The following IL32 variants were observed in gnomAD, a reference collection of about 807,000 sequenced individuals.
IL32 encodes interleukin 32.
IL32 carries 30 observed loss-of-function variants against 16.6 expected under a neutral mutation model. The observed-to-expected ratio is 1.81, with a 90% CI of 1.35 to 2.45. The LOEUF is 2.45. Ranked by LOEUF, IL32 falls within the 30% of genes most tolerant of loss-of-function variation. The pLI is 0.00. For synonymous variants in IL32, 70 were observed against 86.1 expected, an observed-to-expected ratio of 0.81 and a Z score of 1.03; for missense variants, 234 against 229.8, an observed-to-expected ratio of 1.02 and a Z score of -0.12.
At position 3,066,948 on chromosome 16, in the gene IL32, CTAGG is replaced by C. The variant is rs1247005899; in HGVS notation, c.16-428_16-425del. Among the ~76,000 whole-genome samples, 34 of 144,796 alleles carry C rather than the reference CTAGG, an allele frequency of 2.3e-4. No homozygotes were observed. In the East Asian group the frequency reaches 5.6e-3, roughly 24 times the overall value. 95.0% of individuals were successfully genotyped at this position (144,796 alleles called of 152,430 possible). On this transcript the variant is annotated intron_variant, in intron 2 of 6. Transcript: ENST00000525643. ...CCCTGCTCTTGTGAGGAGGGGTCAC[CTAGG>C]CCCACGCAGGCCCTGCTCTTGTGAG...
chr16:3,066,248 C>T (rs568770169), intron 2 of IL32, among the ~76,000 whole-genome samples: 1 of 152,136 alleles, frequency 6.6e-6, no homozygotes, highest in Admixed American at 6.5e-5. Flanking sequence ...TGCCCCACCG[C>T]AAATGCTAGG....
rs1011420925 is a variant in IL32, at chr16:3,067,770, C to A, written c.114+157C>A. On this transcript the variant is annotated intron_variant, in intron 4 of 6. Transcript: ENST00000525643. ...TTGCACCTGGGTGGCAGTGAGTGGG[C>A]GGGTGGGGGATCTGGACGCCCGGGG... The A allele has an allele frequency of 4.9e-6, 4 of 817,588 alleles. No homozygotes were observed. In the East Asian group the frequency reaches 1.0e-4, roughly 21 times the overall value. 50.6% of individuals were successfully genotyped at this position (817,588 alleles called of 1,614,324 possible).
chr16:3,065,895 C>A (rs1956255473), intron 2 of IL32, 69 bp downstream of exon 2: 1 of 1,579,956 alleles, frequency 6.3e-7, no homozygotes, highest in Admixed American at 1.7e-5. Flanking sequence ...CGGGTGCCCT[C>A]AGTATTTCCC....
Position 3,065,779 on chromosome 16 carries a change from A to C in IL32, c.-28-5A>C. On this transcript the variant is annotated splice_region_variant and splice_polypyrimidine_tract_variant and intron_variant, in intron 1 of 6. Transcript: ENST00000525643. ...CTTTTCCTCACACCTGTTCCTCGCC[A>C]GCAGGCCTTGGCTCCTTGAACTTTT... 1 of 1,614,086 alleles carries C rather than the reference A, an allele frequency of 6.2e-7. No individual in the cohort carries two copies. Among genetic ancestry groups the C allele is most frequent in the Non-Finnish European group, 8.5e-7 (1 of 1,179,978 alleles).
intron 2 of IL32, 102 bp from the exon 3 acceptor site, chr16:3,067,275 G>GTGTGTGTGTGTGTGTGTGTGTGTCTC: frequency 4.9e-6 from 1 of 204,420 alleles, no homozygotes; most frequent in East Asian, 6.1e-5. Context: ...GTGTCTCTGT[G>GTGTGTGTGTGTGTGTGTGTGTGTCTC]TGTGTGTGTG....
At position 3,065,822 on chromosome 16, in the gene IL32, C is replaced by T. The variant is rs755307247; in HGVS notation, c.11C>T (p.Pro4Leu). The change falls in exon 2 of 7, where the codon CCG becomes CTG. Residue 4 changes from proline to leucine, a missense_variant. Physicochemically the swap from Pro to Leu is moderately conservative, Grantham distance 98. This residue lies in a region of IL32 where 137 missense variants were observed against 80.7 expected (regional missense o/e 1.70). Coordinates refer to ENST00000525643, the MANE Select transcript of IL32 (RefSeq NM_001376923.1). The part of the protein sequence containing the change: MCF[P>L]KVLSDDMKKL... ...GAACTTTTGGCCGCCATGTGCTTCC[C>T]GAAGGTGAGTGAGAGGCTGCGTGTG... 3.7e-5 allele frequency: 60 copies of T among 1,613,968 alleles called. No homozygotes were observed. Among genetic ancestry groups the T allele is most frequent in the East Asian group, 2.0e-4 (9 of 44,888 alleles).
chr16:3,068,666 G>A, intron 6 of IL32: 1 of 437,094 alleles, frequency 2.3e-6, no homozygotes, highest in East Asian at 4.7e-5. Flanking sequence ...CCCTGAGCTT[G>A]GGGTGGAGGG....
In IL32 at chr16:3,068,025, C is replaced by G; in HGVS notation, c.141+15C>G. The G allele has an allele frequency of 6.2e-7, 1 of 1,613,774 alleles. No homozygotes were observed. Among genetic ancestry groups the G allele is most frequent in the Non-Finnish European group, 8.5e-7 (1 of 1,179,694 alleles). ...CAGAGCTGGAGGTGAGCCGTGGCCT[C>G]CCCCTCCACCAAGCTTAGTCCCTGG... On this transcript the variant is annotated intron_variant, in intron 5 of 6. Coordinates refer to ENST00000525643, the MANE Select transcript of IL32 (RefSeq NM_001376923.1).
Position 3,067,991 on chromosome 16 carries a change from C to A in IL32, c.122C>A (p.Ser41Ter). ...NAESGRGQVM[S>*]SLAELEDDFK... is the part of the protein sequence containing the mutation. ...GTGCTTTGTTCCTAACAGGTGATGT[C>A]GAGCCTGGCAGAGCTGGAGGTGAGC... Residue 41 changes from serine to a stop codon, truncating the protein, a stop_gained, in exon 5 of 7, where the codon TCG (serine) becomes TAG (stop). Coordinates refer to ENST00000525643, the MANE Select transcript of IL32 (RefSeq NM_001376923.1). LOFTEE classifies it high-confidence loss of function. 6.2e-7 allele frequency: 1 copy of A among 1,614,086 alleles called. No individual in the cohort carries two copies. Among genetic ancestry groups the A allele is most frequent in the Non-Finnish European group, 8.5e-7 (1 of 1,179,982 alleles).
chr16:3,067,447 TG>T (rs762540486), intron 3 of IL32, 32 bp downstream of exon 3: 4 of 1,610,504 alleles, frequency 2.5e-6, no homozygotes, highest in Non-Finnish European at 3.4e-6. Context: ...GCTCAGGGGT[TG>T]GGGGCCTGGG....
chr16:3,068,910 G>C (rs1956742101), intron 6 of IL32, 80 bp from the exon 7 acceptor site: 20 of 1,594,846 alleles, frequency 1.3e-5, no homozygotes, highest in Non-Finnish European at 1.6e-5. Flanking sequence ...GTCAGGAAAA[G>C]GCTGAGAGGC....
At position 3,067,369 on chromosome 16, in the gene IL32, T is replaced by A; in HGVS notation, c.16-8T>A. 6.6e-7 allele frequency: 1 copy of A among 1,522,462 alleles called. No homozygotes were observed. Among genetic ancestry groups the A allele is most frequent in the Non-Finnish European group, 8.8e-7 (1 of 1,131,666 alleles). The allele number at this position is 1,522,462 out of a possible 1,614,324, so 94.3% of individuals were successfully genotyped here. A position where few individuals can be genotyped will look rare whatever the true frequency, so the allele number is the denominator to read the frequency against. Reference sequence around the variant, plus strand: ...CATGGAGACTGAGTGTCACCGTTATTTCCGCAGGTCCTCTCTGATGACATG... The same window carrying A: ...CATGGAGACTGAGTGTCACCGTTATATCCGCAGGTCCTCTCTGATGACATG... On this transcript the variant is annotated splice_region_variant and splice_polypyrimidine_tract_variant and intron_variant, in intron 2 of 6. Coordinates refer to ENST00000525643, the MANE Select transcript of IL32 (RefSeq NM_001376923.1).
rs543196166 is a variant in IL32 at position 3,068,135 on chromosome 16, G to A, written c.142-45G>A. ...CCAGTGGGGGCCACAGTGGGAAGGGGGCAGGCAGGAGCAGCATGAACCCCC... is the reference window on the plus strand; with the variant it reads ...CCAGTGGGGGCCACAGTGGGAAGGGAGCAGGCAGGAGCAGCATGAACCCCC... On this transcript the variant is annotated intron_variant, in intron 5 of 6. Transcript: ENST00000525643. 3 of 1,603,802 alleles carry A rather than the reference G, an allele frequency of 1.9e-6. No homozygotes were observed. In the African/African-American group the frequency reaches 4.0e-5, roughly 22 times the overall value.
chr16:3,066,917 C>T lies in IL32; in HGVS notation c.16-460C>T, dbSNP rs74005583. Among the ~76,000 whole-genome samples the T allele has an allele frequency of 2.8e-3, 409 of 148,502 alleles. 7 individuals carry two copies. The highest frequency in any genetic ancestry group is 8.5e-3 in the African/African-American group (333 of 39,060). On this transcript the variant is annotated intron_variant, in intron 2 of 6. Coordinates refer to ENST00000525643, the MANE Select transcript of IL32 (RefSeq NM_001376923.1). ...TGTGCAGGGAGGACACCCCGGCCCACGCAGGCCCTGCTCTTGTGAGGAGGG... is the reference window on the plus strand; with the variant it reads ...TGTGCAGGGAGGACACCCCGGCCCATGCAGGCCCTGCTCTTGTGAGGAGGG...
Position 3,068,133 on chromosome 16 carries a change from G to A in IL32, c.142-47G>A, listed in dbSNP as rs755842114. The A allele has an allele frequency of 9.4e-6, 15 of 1,603,112 alleles. 1 individual carries two copies. In the South Asian group the frequency reaches 1.7e-4, roughly 18 times the overall value. On this transcript the variant is annotated intron_variant, in intron 5 of 6. Coordinates refer to ENST00000525643, the MANE Select transcript of IL32 (RefSeq NM_001376923.1). ...GACCAGTGGGGGCCACAGTGGGAAG[G>A]GGGCAGGCAGGAGCAGCATGAACCC... is the stretch of plus-strand genomic sequence containing the variant.
chr16:3,065,620 G>A (rs754252722), upstream of IL32: 1 of 705,160 alleles, frequency 1.4e-6, no homozygotes, highest in South Asian at 1.6e-5. Flanking sequence ...CATAAAACCA[G>A]CTGAGTATTT....
intron 4 of IL32, 89 bp downstream of exon 4, chr16:3,067,702 G>C (rs75543532): frequency 1.6e-5 from 17 of 1,079,630 alleles, no homozygotes; most frequent in Admixed American, 7.2e-5. Context: ...GAAGGATGAA[G>C]AGGGACCCAC....
chr16:3,067,269 CTCTGTGTG>C (rs1436902367), intron 2 of IL32, 100 bp from the exon 3 acceptor site: 6 of 391,396 alleles, frequency 1.5e-5, no homozygotes, highest in Non-Finnish European at 2.5e-5. Context: ...TGCCATGTGT[CTCTGTGTG>C]TGTGTGTGTG....
chr16:3,067,845 G>A, intron 4 of IL32, 139 bp from the exon 5 acceptor site: 3 of 1,024,440 alleles, frequency 2.9e-6, no homozygotes, highest in Non-Finnish European at 4.5e-6. Flanking sequence ...AAACAACAGG[G>A]GTGCCAGACG....
Sources: gnomAD v4.1 joint callset for allele counts (sites outside exome capture counted in the v4.1 genomes callset) on GRCh38, gnomAD v4.1.1 for gene constraint, gnomAD v4.1.1 regional missense constraint, MANE v1.5 for transcripts, NCBI Gene and HGNC (gene_info 2026-07-23, HGNC 2026-07-21) for gene names.